Variants in HEATR3 observed in about 807,000 individuals in gnomAD.
HEATR3 encodes HEAT repeat containing 3.
A neutral mutation model predicts 72.8 loss-of-function variants in HEATR3; 56 were observed. That is an observed-to-expected ratio of 0.77 (90% CI 0.62 to 0.96). HEATR3 has a LOEUF of 0.96. Among genes scored for constraint, HEATR3 ranks in the 40% least tolerant of loss-of-function variants. The probability of loss-of-function intolerance (pLI) is 0.00; values close to 1 mark genes in which losing one functional copy is unlikely to be tolerated. For missense variants in HEATR3, 747 were observed against 831.4 expected (o/e 0.90, Z 1.25); for synonymous variants, 331 against 318.1 (o/e 1.04, Z -0.43).
chr16:50,079,684 C>T (rs766257058), intron 7 of HEATR3, among the ~76,000 whole-genome samples: 3 of 152,098 alleles, frequency 2.0e-5, no homozygotes, highest in Non-Finnish European at 4.4e-5. Flanking sequence ...AATAGGAAGA[C>T]GGGGCACAGT....
intron 12 of HEATR3, among the ~76,000 whole-genome samples, chr16:50,097,941 A>C (rs966913687): frequency 2.7e-5 from 4 of 147,170 alleles, no homozygotes; most frequent in South Asian, 2.2e-4. Context: ...AAAAAAAAAA[A>C]CCCTGGAATT....
At position 50,066,481 on chromosome 16, in the gene HEATR3, G is replaced by C. The variant is rs1046464181; in HGVS notation, c.253G>C (p.Gly85Arg). Residue 85 changes from glycine (G) to arginine (R), a missense_variant, in exon 2 of 15, where the codon GGG becomes CGG. By Grantham distance (125) the Gly-to-Arg change is moderately radical. Coordinates refer to ENST00000299192, the MANE Select transcript of HEATR3 (RefSeq NM_182922.4). ...GCGACGAGACGCCGTGCGCCGCCTC[G>C]GGCCGCTGCTGCTAGACCCCAGCCT... Reference protein sequence around the residue: ...LARRDAVRRLGPLLLDPSLAV... With the variant: ...LARRDAVRRLRPLLLDPSLAV... 7.4e-7 allele frequency: 1 copy of C among 1,348,024 alleles called. No homozygotes were observed. Among genetic ancestry groups the C allele is most frequent in the Non-Finnish European group, 9.5e-7 (1 of 1,057,546 alleles). 83.5% of individuals were successfully genotyped at this position (1,348,024 alleles called of 1,614,324 possible).
intron 5 of HEATR3, 39 bp from the exon 6 acceptor site, chr16:50,075,532 A>T: frequency 2.5e-6 from 4 of 1,569,784 alleles, no homozygotes; most frequent in Non-Finnish European, 3.5e-6. Context: ...TCCAAAGCAG[A>T]ATTCATTTGT....
chr16:50,085,194 G>A lies in HEATR3; in HGVS notation c.1373+543G>A, dbSNP rs1215314652. On this transcript the variant is annotated intron_variant, in intron 10 of 14. Coordinates refer to ENST00000299192, the MANE Select transcript of HEATR3 (RefSeq NM_182922.4). ...TGTCAGGGAGGTGGGATATTATATG[G>A]AAGAGATACAGGGGCTTTCAGGGTC... 3.9e-5 allele frequency among the ~76,000 whole-genome samples: 6 copies of A among 152,202 alleles called. No individual in the cohort carries two copies. The South Asian group carries it at 1.0e-3, about 26-fold the overall frequency.
At chr16:50,104,324 G>A (rs959508574) in intron 14 of HEATR3, among the ~76,000 whole-genome samples, 3 of 152,124 alleles carry the variant, frequency 2.0e-5, no homozygotes, top group African/African-American at 7.2e-5. Context: ...CGGCTCTCTG[G>A]CCTGGGCGAC....
At chr16:50,073,039 A>G (rs552976784) in intron 5 of HEATR3, 5 of 258,122 alleles carry the variant, frequency 1.9e-5, no homozygotes, top group Non-Finnish European at 2.9e-5. Context: ...GTAACGCACA[A>G]CTACCAGGCC....
At chr16:50,094,938 T>A in intron 12 of HEATR3, 145 bp downstream of exon 12, 1 of 486,660 alleles carries the variant, frequency 2.1e-6, no homozygotes, top group Non-Finnish European at 3.6e-6. Context: ...CAAAAGTGAT[T>A]AAAATAAAAA....
intron 11 of HEATR3, among the ~76,000 whole-genome samples, chr16:50,089,864 A>G (rs2037070561): frequency 6.6e-6 from 1 of 151,866 alleles, no homozygotes; most frequent in African/African-American, 2.4e-5. Flanking sequence ...GACGGGTTTC[A>G]CCATGTTGGT....
At position 50,073,534 on chromosome 16, in the gene HEATR3, TA is replaced by T. The variant is rs1258343717; in HGVS notation, c.622+821del. 1.1e-4 allele frequency: 16 copies of T among 152,190 alleles called. 1 individual carries two copies. Among genetic ancestry groups the T allele is most frequent in the Admixed American group, 3.9e-4 (6 of 15,278 alleles). The allele number at this position is 152,190 out of a possible 1,614,324, so 9.4% of individuals were successfully genotyped here. A position where few individuals can be genotyped will look rare whatever the true frequency, so the allele number is the denominator to read the frequency against. On this transcript the variant is annotated intron_variant, in intron 5 of 14. Coordinates refer to ENST00000299192, the MANE Select transcript of HEATR3 (RefSeq NM_182922.4). ...TGAGGGAAAATAGTAGAATAAATAC[TA>T]CTGAGAAAATTTTAAAAATCATTTC...
At chr16:50,077,083 C>G (rs2036751216) in intron 6 of HEATR3, among the ~76,000 whole-genome samples, 1 of 152,012 alleles carries the variant, frequency 6.6e-6, no homozygotes, top group Admixed American at 6.6e-5. Flanking sequence ...ACTGTGTTAG[C>G]CAGGATGGTC....
chr16:50,090,359 A>T (rs77362203), intron 11 of HEATR3, among the ~76,000 whole-genome samples: 24 of 148,648 alleles, frequency 1.6e-4, no homozygotes, highest in African/African-American at 5.2e-4. Context: ...TATCTCAATT[A>T]AAAAAAAAAG....
At position 50,097,251 on chromosome 16, in the gene HEATR3, G is replaced by A. The variant is rs183829109; in HGVS notation, c.1599+2458G>A. Among the ~76,000 whole-genome samples the A allele has an allele frequency of 6.7e-4, 102 of 151,192 alleles. 1 individual carries two copies. In the Middle Eastern group the frequency reaches 0.01, roughly 16 times the overall value. ...AATGGTTTTATAACCAGTGATTGTG[G>A]TTGCCTGGCTCCATTATGTCATTAG... On this transcript the variant is annotated intron_variant, in intron 12 of 14. Transcript: ENST00000299192.
At chr16:50,085,917 C>T (rs1367462248) in intron 10 of HEATR3, among the ~76,000 whole-genome samples, 1 of 151,442 alleles carries the variant, frequency 6.6e-6, no homozygotes, top group Non-Finnish European at 1.5e-5. Context: ...TAATCCTGCT[C>T]CTTAGGAGGC....
intron 13 of HEATR3, 93 bp from the exon 14 acceptor site, chr16:50,102,166 A>C: frequency 9.9e-7 from 1 of 1,008,052 alleles, no homozygotes; most frequent in African/African-American, 1.6e-5. Flanking sequence ...ATTTGTATAT[A>C]AAATAGTATG....
chr16:50,073,412 C>G (rs1461292923), intron 5 of HEATR3: 1 of 152,130 alleles, frequency 6.6e-6, no homozygotes, highest in Non-Finnish European at 1.5e-5. Context: ...ATCCAGCTGT[C>G]CCTTTGTGGA....
chr16:50,084,472 A>G (rs1431240800), intron 9 of HEATR3, 97 bp from the exon 10 acceptor site: 3 of 1,142,598 alleles, frequency 2.6e-6, no homozygotes, highest in Non-Finnish European at 3.9e-6. Flanking sequence ...ATGAAGCCTA[A>G]CCATTTCACT....
intron 6 of HEATR3, 137 bp from the exon 7 acceptor site, chr16:50,078,604 A>G (rs2036792146): frequency 1.3e-6 from 1 of 784,932 alleles, no homozygotes; most frequent in South Asian, 1.9e-5. Context: ...TTGATATTTA[A>G]TAAATAATGA....
In HEATR3 at chr16:50,066,464, A is replaced by G. The variant is rs1247944572; in HGVS notation, c.236A>G (p.Asp79Gly). 2.2e-5 allele frequency: 30 copies of G among 1,360,848 alleles called. No individual in the cohort carries two copies. The highest frequency in any genetic ancestry group is 3.1e-5 in the East Asian group (1 of 32,594). The allele number at this position is 1,360,848 out of a possible 1,614,324, so 84.3% of individuals were successfully genotyped here. Residue 79 changes from aspartate to glycine, a missense_variant, in exon 2 of 15, where the codon GAC (aspartate) becomes GGC (glycine). This residue lies in a region of HEATR3 where 161 missense variants were observed against 122.6 expected (regional missense o/e 1.31). Transcript: ENST00000299192. ...GCACTCCCGGGCCTGGCGCGACGAG[A>G]CGCCGTGCGCCGCCTCGGGCCGCTG... is the stretch of plus-strand genomic sequence containing the variant. ...RPALPGLARRDAVRRLGPLLL... is the reference protein window; with the variant it reads ...RPALPGLARRGAVRRLGPLLL...
Position 50,075,624 on chromosome 16 carries a change from AGTG to A in HEATR3, c.677_679del (p.Ser226_Ala227delinsThr). 1.2e-6 allele frequency: 2 copies of A among 1,613,788 alleles called. No individual in the cohort carries two copies. Among genetic ancestry groups the A allele is most frequent in the Non-Finnish European group, 1.7e-6 (2 of 1,179,680 alleles). On this transcript the variant is annotated inframe_deletion, in exon 6 of 15. Transcript: ENST00000299192. ...TAACCCAGAGCTGCTGAAGTCTTTC[AGTG>A]CTACAGCATTGAACATGCTGGAATC... is the stretch of plus-strand genomic sequence containing the variant.
Sources: allele counts gnomAD v4.1 joint callset (sites outside exome capture counted in the v4.1 genomes callset), GRCh38; gene constraint gnomAD v4.1.1; regional missense constraint gnomAD v4.1.1; transcripts MANE v1.5; gene names NCBI Gene and HGNC (gene_info 2026-07-23, HGNC 2026-07-21).